The following SLC4A4 variants were observed in gnomAD, a reference collection of about 807,000 sequenced individuals.
The protein encoded by SLC4A4 is electrogenic sodium bicarbonate cotransporter 1.
In SLC4A4, 27 loss-of-function variants were observed where a neutral mutation model predicts 111.5. That is an observed-to-expected ratio of 0.24 (90% confidence interval 0.18 to 0.33). SLC4A4 has a LOEUF of 0.33. SLC4A4 is among the 10% of genes least tolerant of loss of function. SLC4A4 has a pLI of 1.00. For missense variants in SLC4A4, 909 were observed against 1,315.5 expected (o/e 0.69, Z 4.78); for synonymous variants, 443 against 463.4 (o/e 0.96, Z 0.57).
chr4:71,067,609 T>C (rs181447289), intron 1 of SLC4A4, among the ~76,000 whole-genome samples: 1 of 152,212 alleles, frequency 6.6e-6, no homozygotes, highest in South Asian at 2.1e-4. Flanking sequence ...ATGTTGAATC[T>C]ACGAGTCTGA....
intron 2 of SLC4A4, among the ~76,000 whole-genome samples, chr4:71,174,545 G>A (rs887338096): frequency 6.6e-6 from 1 of 151,978 alleles, no homozygotes; most frequent in African/African-American, 2.4e-5. Flanking sequence ...ACCGCACCTG[G>A]CCCACACACC....
chr4:71,300,557 C>A, intron 3 of SLC4A4: 1 of 266,010 alleles, frequency 3.8e-6, no homozygotes, highest in South Asian at 5.3e-5. Context: ...AGGAGCACAC[C>A]AAAGGTGTAG....
At chr4:71,274,935 A>G (rs1053703240) in intron 3 of SLC4A4, among the ~76,000 whole-genome samples, 1 of 152,208 alleles carries the variant, frequency 6.6e-6, no homozygotes, top group African/African-American at 2.4e-5. Flanking sequence ...AAATAAATGC[A>G]AAATAAAACA....
At chr4:71,369,798 T>C (rs1384642895) in intron 6 of SLC4A4, among the ~76,000 whole-genome samples, 5 of 152,198 alleles carry the variant, frequency 3.3e-5, no homozygotes, top group Admixed American at 3.3e-4. Context: ...TGATATAATT[T>C]TTTTAAAGTA....
chr4:71,224,231 A>G (rs28544422), intron 1 of SLC4A4, among the ~76,000 whole-genome samples: 3,232 of 152,236 alleles, frequency 0.021, 118 homozygotes, highest in African/African-American at 0.074. Flanking sequence ...CTCACAGCCC[A>G]TCTCATCCAC....
At chr4:71,250,504 A>G (rs1720989467) in intron 2 of SLC4A4, among the ~76,000 whole-genome samples, 1 of 152,118 alleles carries the variant, frequency 6.6e-6, no homozygotes, top group South Asian at 2.1e-4. Context: ...TAAAGATTTT[A>G]CCTGTCCTTT....
chr4:71,445,892 G>A (rs58079761), intron 8 of SLC4A4, among the ~76,000 whole-genome samples: 1,640 of 152,262 alleles, frequency 0.011, 34 homozygotes, highest in African/African-American at 0.036. Flanking sequence ...GCTTCGAAGG[G>A]ACAAAAGTTC....
chr4:71,553,943 T>C (rs1361442561), intron 20 of SLC4A4, among the ~76,000 whole-genome samples: 1 of 151,934 alleles, frequency 6.6e-6, no homozygotes, highest in Admixed American at 6.6e-5. Flanking sequence ...TAGTCTTTTT[T>C]TGAAGAAGCA....
chr4:71,526,876 T>C (rs1461389762), intron 16 of SLC4A4, among the ~76,000 whole-genome samples: 2 of 152,094 alleles, frequency 1.3e-5, no homozygotes, highest in East Asian at 3.9e-4. Flanking sequence ...TCTTCAACTT[T>C]ATAGCCAGCA....
chr4:71,073,522 T>C (rs1057461709), intron 1 of SLC4A4, among the ~76,000 whole-genome samples: 1 of 152,140 alleles, frequency 6.6e-6, no homozygotes, highest in Non-Finnish European at 1.5e-5. Flanking sequence ...AGTGAGACCT[T>C]CCCAGACCAC....
intron 13 of SLC4A4, 119 bp downstream of exon 13, chr4:71,466,696 G>A: frequency 9.3e-7 from 1 of 1,072,182 alleles, no homozygotes; most frequent in Non-Finnish European, 1.4e-6. Flanking sequence ...ATACTGGAAT[G>A]TTCAGATGTG....
At chr4:71,144,991 A>T (rs953945678) in intron 2 of SLC4A4, among the ~76,000 whole-genome samples, 6 of 152,096 alleles carry the variant, frequency 3.9e-5, no homozygotes, top group Non-Finnish European at 7.4e-5. Context: ...TATGTGGAAT[A>T]GGAGTGGTGA....
chr4:71,242,600 C>G (rs1720328955), intron 2 of SLC4A4, among the ~76,000 whole-genome samples: 1 of 152,064 alleles, frequency 6.6e-6, no homozygotes, highest in African/African-American at 2.4e-5. Flanking sequence ...AACAGGAGTG[C>G]TTTATACTCC....
At position 71,105,938 on chromosome 4, in the gene SLC4A4, A is replaced by C. The variant is rs1363975937; in HGVS notation, c.-2+13146A>C. On this transcript the variant is annotated intron_variant, in intron 2 of 26. Coordinates refer to the SLC4A4 transcript ENST00000649996. ...TAGACAAATGGGATCTAATTAAACTAAAGAGCTTCTGCACAGCAAAAGAAA... is the reference window on the plus strand; with the variant it reads ...TAGACAAATGGGATCTAATTAAACTCAAGAGCTTCTGCACAGCAAAAGAAA... 9.5e-3 allele frequency among the ~76,000 whole-genome samples: 1,388 copies of C among 145,646 alleles called. 9 individuals are homozygous for C. The highest frequency in any genetic ancestry group is 0.034 in the East Asian group (168 of 4,876).
chr4:71,225,577 G>A (rs1718995412), intron 1 of SLC4A4, among the ~76,000 whole-genome samples: 1 of 152,176 alleles, frequency 6.6e-6, no homozygotes, highest in Non-Finnish European at 1.5e-5. Flanking sequence ...CTGGGTGGTG[G>A]TTCAGGATGG....
At chr4:71,385,139 C>T (rs1262374821) in intron 6 of SLC4A4, among the ~76,000 whole-genome samples, 1 of 120,470 alleles carries the variant, frequency 8.3e-6, no homozygotes, top group Non-Finnish European at 1.7e-5. Context: ...GTCATTGGTG[C>T]TTGTACTTTT....
At chr4:71,222,724 T>C (rs1265522575) in intron 1 of SLC4A4, among the ~76,000 whole-genome samples, 1 of 152,220 alleles carries the variant, frequency 6.6e-6, no homozygotes, top group East Asian at 1.9e-4. Context: ...AGAAATGTCT[T>C]CAATGTTCTT....
chr4:71,075,759 G>C (rs1040878569), intron 1 of SLC4A4, among the ~76,000 whole-genome samples: 1 of 151,934 alleles, frequency 6.6e-6, no homozygotes, highest in Admixed American at 6.6e-5. Context: ...CACAAGGTCA[G>C]GAGTTCAACA....
intron 16 of SLC4A4, among the ~76,000 whole-genome samples, chr4:71,529,333 A>G (rs1031904812): frequency 6.6e-6 from 1 of 152,152 alleles, no homozygotes; most frequent in African/African-American, 2.4e-5. Context: ...CTGAAAAAAA[A>G]TCATTGTTTT....
Sources: allele counts gnomAD v4.1 joint callset (sites outside exome capture counted in the v4.1 genomes callset), GRCh38; gene constraint gnomAD v4.1.1; transcripts MANE v1.5; gene names NCBI Gene and HGNC (gene_info 2026-07-23, HGNC 2026-07-21).